DSCAML1: variants seen among roughly 807,000 people sequenced by gnomAD.
The protein encoded by DSCAML1 is cell adhesion molecule DSCAML1.
Under a neutral mutation model 200.5 loss-of-function variants are expected in DSCAML1, and 38 were observed. That is an observed-to-expected ratio of 0.19 (90% CI 0.15 to 0.25). The LOEUF (loss-of-function observed/expected upper bound fraction) is 0.25, where lower values mean the gene tolerates loss of function less well. Ranked by LOEUF, DSCAML1 falls within the 10% of genes least tolerant of loss-of-function variation. The pLI is 1.00. For missense variants in DSCAML1, 2,223 were observed against 2,858.8 expected, an observed-to-expected ratio of 0.78 and a Z score of 5.07; for synonymous variants, 1,215 against 1,165.0, an observed-to-expected ratio of 1.04 and a Z score of -0.87.
chr11:117,524,714 G>T (rs1332333369), intron 5 of DSCAML1, 91 bp downstream of exon 5: 3 of 1,446,222 alleles, frequency 2.1e-6, no homozygotes, highest in Non-Finnish European at 2.8e-6. Context: ...CCTGGTCAGA[G>T]ACAGGTCCAG....
In DSCAML1 at chr11:117,471,750, T is replaced by C. The variant is rs1466755335; in HGVS notation, c.2953+119A>G. ...TGGACACAAACATCTGTTAGGATGC[T>C]TTTCCCCACGCCACCCCCTTTAACT... On this transcript the variant is annotated intron_variant, in intron 15 of 32. Coordinates refer to ENST00000651296, the MANE Select transcript of DSCAML1 (RefSeq NM_020693.4). 8 of 1,203,750 alleles carry C rather than the reference T, an allele frequency of 6.6e-6. No individual in the cohort carries two copies. The Admixed American group carries it at 1.8e-4, about 27-fold the overall frequency. 74.6% of individuals were successfully genotyped at this position (1,203,750 alleles called of 1,614,324 possible).
intron 3 of DSCAML1, among the ~76,000 whole-genome samples, chr11:117,661,977 C>T (rs12789293): frequency 0.019 from 2,914 of 152,264 alleles, 49 homozygotes; most frequent in South Asian, 0.035. Flanking sequence ...TCTGGGTCAG[C>T]GAGACTTCAG....
chr11:117,430,684 C>A, intron 32 of DSCAML1, 38 bp downstream of exon 32: 1 of 1,431,078 alleles, frequency 7.0e-7, no homozygotes, highest in Non-Finnish European at 9.4e-7. Flanking sequence ...GGCCAGGGGG[C>A]GGGGGGGCAC....
chr11:117,644,158 C>T (rs754027360), intron 3 of DSCAML1, among the ~76,000 whole-genome samples: 3 of 152,214 alleles, frequency 2.0e-5, no homozygotes, highest in Non-Finnish European at 2.9e-5. Flanking sequence ...TTGACTCGGG[C>T]GCTTCCTCTC....
chr11:117,523,837 C>A (rs940000234), intron 5 of DSCAML1, among the ~76,000 whole-genome samples: 1 of 152,224 alleles, frequency 6.6e-6, no homozygotes, highest in African/African-American at 2.4e-5. Context: ...CGTTGAATAA[C>A]CCTCAGGATG....
intron 3 of DSCAML1, among the ~76,000 whole-genome samples, chr11:117,698,037 TG>T (rs1410189444): frequency 1.3e-5 from 2 of 152,248 alleles, no homozygotes; most frequent in African/African-American, 2.4e-5. Flanking sequence ...CCCAAAGTGC[TG>T]GGATTTCAGG....
chr11:117,586,789 GA>G (rs904597314), intron 3 of DSCAML1, among the ~76,000 whole-genome samples: 8 of 152,226 alleles, frequency 5.3e-5, no homozygotes, highest in African/African-American at 9.6e-5. Flanking sequence ...GACATTGCCT[GA>G]GGCAGATCCC....
rs1457616543 is a variant in DSCAML1, at chr11:117,577,580, T to C, written c.512-45058A>G. 2.0e-5 allele frequency among the ~76,000 whole-genome samples: 3 copies of C among 147,732 alleles called. No homozygotes were observed. In the East Asian group the frequency reaches 6.2e-4, roughly 30 times the overall value. ...CCTCCTTCCTTCTTTCCTTTCTTTTTTTTTTTGACGGAGCCTCGCTCTGTC... is the reference window on the plus strand; with the variant it reads ...CCTCCTTCCTTCTTTCCTTTCTTTTCTTTTTTGACGGAGCCTCGCTCTGTC... On this transcript the variant is annotated intron_variant, in intron 3 of 32. Transcript: ENST00000651296.
At chr11:117,438,130 C>G in intron 24 of DSCAML1, 47 bp from the exon 25 acceptor site, 6 of 1,545,604 alleles carry the variant, frequency 3.9e-6, no homozygotes, top group Non-Finnish European at 5.3e-6. Context: ...CAGGGCAAGG[C>G]AGCAGAAGCC....
intron 2 of DSCAML1, 70 bp from the exon 3 acceptor site, chr11:117,777,007 C>A (rs2055139689): frequency 6.5e-7 from 1 of 1,538,830 alleles, no homozygotes. Flanking sequence ...CAGAAAGGAA[C>A]AGGGAGTCAG....
intron 32 of DSCAML1, among the ~76,000 whole-genome samples, chr11:117,430,087 G>T (rs563881099): frequency 6.6e-6 from 1 of 152,172 alleles, no homozygotes; most frequent in Non-Finnish European, 1.5e-5. Flanking sequence ...GGCTTTGCAC[G>T]CTGTGACCCC....
Position 117,765,562 on chromosome 11 carries a change from C to T in DSCAML1, c.511+11229G>A, listed in dbSNP as rs894439754. 2.6e-5 allele frequency among the ~76,000 whole-genome samples: 4 copies of T among 152,262 alleles called. No individual in the cohort carries two copies. The East Asian group carries it at 5.8e-4, about 22-fold the overall frequency. ...CATTCCTCACAGAGACCTCCCAGGC[C>T]GCACAGCAAAGACTACTAATGCTGG... On this transcript the variant is annotated intron_variant, in intron 3 of 32. Coordinates refer to ENST00000651296, the MANE Select transcript of DSCAML1 (RefSeq NM_020693.4).
chr11:117,522,551 G>A (rs577027046), intron 5 of DSCAML1, among the ~76,000 whole-genome samples: 1 of 152,344 alleles, frequency 6.6e-6, no homozygotes, highest in Admixed American at 6.5e-5. Flanking sequence ...GAAGCCTGCA[G>A]GAGAGAGGAA....
chr11:117,488,022 T>C (rs1228406530), intron 11 of DSCAML1, among the ~76,000 whole-genome samples: 1 of 152,200 alleles, frequency 6.6e-6, no homozygotes, highest in Non-Finnish European at 1.5e-5. Flanking sequence ...TGTGGCTCAC[T>C]GTCTGATGAA....
chr11:117,732,681 A>G (rs2137821125), intron 3 of DSCAML1, among the ~76,000 whole-genome samples: 1 of 152,328 alleles, frequency 6.6e-6, no homozygotes, highest in East Asian at 1.9e-4. Flanking sequence ...AAAGGTCTGC[A>G]GAGGGATAGC....
At chr11:117,751,890 G>C (rs1266562087) in intron 3 of DSCAML1, among the ~76,000 whole-genome samples, 1 of 152,180 alleles carries the variant, frequency 6.6e-6, no homozygotes, top group Non-Finnish European at 1.5e-5. Context: ...CCAGGTCTAT[G>C]TCTGGATCCA....
chr11:117,669,061 ATTTG>A (rs1211317086), intron 3 of DSCAML1, among the ~76,000 whole-genome samples: 1 of 152,014 alleles, frequency 6.6e-6, no homozygotes, highest in Admixed American at 6.6e-5. Context: ...CTATGAATAT[ATTTG>A]TTTGTTTATT....
chr11:117,577,437 T>TTTCC (rs1335603835), intron 3 of DSCAML1, among the ~76,000 whole-genome samples: 2 of 73,844 alleles, frequency 2.7e-5, no homozygotes, highest in South Asian at 9.7e-4. Context: ...TCCTTCCTTC[T>TTTCC]TTCCTTCCTT....
intron 1 of DSCAML1, among the ~76,000 whole-genome samples, chr11:117,809,276 C>A (rs978017641): frequency 7.2e-5 from 11 of 152,246 alleles, no homozygotes; most frequent in African/African-American, 2.7e-4. Context: ...GCTGCCGCGT[C>A]TGCACTCCTG....
Sources: gnomAD v4.1 joint callset for allele counts (sites outside exome capture counted in the v4.1 genomes callset) on GRCh38, gnomAD v4.1.1 for gene constraint, MANE v1.5 for transcripts, NCBI Gene and HGNC (gene_info 2026-07-23, HGNC 2026-07-21) for gene names.